Variants in CDH13 observed in about 807,000 individuals in gnomAD.
CDH13 encodes cadherin 13.
CDH13 carries 24 observed loss-of-function variants against 63.8 expected under a neutral mutation model. The observed-to-expected ratio is 0.38, with a 90% CI of 0.27 to 0.53. CDH13 has a LOEUF of 0.53. Ranked by LOEUF, CDH13 falls within the 20% of genes least tolerant of loss-of-function variation. The pLI, the probability that CDH13 is intolerant of heterozygous loss-of-function variation, is 0.85. For synonymous variants in CDH13, 503 were observed against 355.3 expected, an observed-to-expected ratio of 1.42 and a Z score of -4.67; for missense variants, 1,049 against 903.1, an observed-to-expected ratio of 1.16 and a Z score of -2.07.
chr16:83,516,454 A>G (rs2151612255), intron 7 of CDH13, among the ~76,000 whole-genome samples: 1 of 152,330 alleles, frequency 6.6e-6, no homozygotes, highest in South Asian at 2.1e-4. Flanking sequence ...CAAGGATCTG[A>G]TTTTATTTCA....
At chr16:83,714,937 G>C (rs74838751) in intron 10 of CDH13, among the ~76,000 whole-genome samples, 3 of 152,264 alleles carry the variant, frequency 2.0e-5, no homozygotes, top group African/African-American at 7.2e-5. Context: ...TCTTGAGTGT[G>C]TTGCCTCTGC....
chr16:83,653,112 A>T (rs2150823526), intron 8 of CDH13, among the ~76,000 whole-genome samples: 1 of 152,154 alleles, frequency 6.6e-6, no homozygotes, highest in Non-Finnish European at 1.5e-5. Flanking sequence ...ATCTCCGGGG[A>T]CAGAAAGCCA....
intron 1 of CDH13, among the ~76,000 whole-genome samples, chr16:82,722,791 C>T (rs2032861357): frequency 6.6e-6 from 1 of 152,112 alleles, no homozygotes; most frequent in Non-Finnish European, 1.5e-5. Context: ...TCACAGGGTA[C>T]CAGGGATGCA....
chr16:82,928,561 C>G (rs1187222316), intron 2 of CDH13, among the ~76,000 whole-genome samples: 1 of 152,152 alleles, frequency 6.6e-6, no homozygotes, highest in African/African-American at 2.4e-5. Flanking sequence ...GAATATTCTA[C>G]TGTTGTTTTC....
chr16:83,685,119 C>G (rs2150881648), intron 10 of CDH13, among the ~76,000 whole-genome samples: 1 of 152,240 alleles, frequency 6.6e-6, no homozygotes, highest in East Asian at 1.9e-4. Context: ...TTTAAGGAGA[C>G]TTTCTGGAAG....
chr16:83,085,820 T>C (rs760571714), intron 3 of CDH13, among the ~76,000 whole-genome samples: 3 of 152,192 alleles, frequency 2.0e-5, no homozygotes, highest in Non-Finnish European at 4.4e-5. Flanking sequence ...CTAAGACACA[T>C]TGAAGCTCTT....
intron 3 of CDH13, among the ~76,000 whole-genome samples, chr16:83,072,771 A>G (rs2032532488): frequency 6.6e-6 from 1 of 152,042 alleles, no homozygotes; most frequent in Non-Finnish European, 1.5e-5. Context: ...AACACCCCTC[A>G]CTAGTAGAAA....
intron 2 of CDH13, chr16:82,859,663 G>A (rs2039852460): frequency 6.6e-6 from 1 of 152,012 alleles, no homozygotes. Context: ...TATGGTCTCA[G>A]GTTTACGTTC....
At chr16:83,489,189 G>T (rs992157283) in intron 7 of CDH13, among the ~76,000 whole-genome samples, 3 of 152,190 alleles carry the variant, frequency 2.0e-5, no homozygotes, top group African/African-American at 7.2e-5. Context: ...AAGTGATAAT[G>T]TAGTAAATTA....
chr16:82,983,851 C>A (rs1382625746), intron 2 of CDH13, among the ~76,000 whole-genome samples: 1 of 152,176 alleles, frequency 6.6e-6, no homozygotes, highest in Non-Finnish European at 1.5e-5. Context: ...AATGGATTTG[C>A]TCATGGACCT....
intron 1 of CDH13, among the ~76,000 whole-genome samples, chr16:82,771,590 G>A (rs2035268397): frequency 6.6e-6 from 1 of 152,242 alleles, no homozygotes; most frequent in Admixed American, 6.5e-5. Context: ...GAGAGTTTCA[G>A]TAACTTTCCC....
At chr16:83,693,055 C>G (rs1429613729) in intron 10 of CDH13, among the ~76,000 whole-genome samples, 1 of 152,196 alleles carries the variant, frequency 6.6e-6, no homozygotes, top group Non-Finnish European at 1.5e-5. Flanking sequence ...TACACTCCAG[C>G]CTGGGTAACC....
At position 82,904,964 on chromosome 16, in the gene CDH13, A is replaced by T. The variant is rs2041594432; in HGVS notation, c.157+46491A>T. On this transcript the variant is annotated intron_variant, in intron 2 of 13. Coordinates refer to ENST00000567109, the MANE Select transcript of CDH13 (RefSeq NM_001257.5). The stretch of plus-strand genomic sequence containing the variant: ...AAATGAACCCAGGTTTCTCCCATGG[A>T]GTGCAGTTTCTCCCTAAATGAACCC... 2.0e-5 allele frequency among the ~76,000 whole-genome samples: 3 copies of T among 151,190 alleles called. No homozygotes were observed. In the South Asian group the frequency reaches 6.3e-4, roughly 32 times the overall value.
At chr16:83,208,902 C>G (rs1442605090) in intron 4 of CDH13, among the ~76,000 whole-genome samples, 2 of 152,142 alleles carry the variant, frequency 1.3e-5, no homozygotes, top group African/African-American at 2.4e-5. Context: ...GCAGTGTTCA[C>G]TTGGAGGGTC....
At chr16:82,811,663 G>A (rs1158222059) in intron 1 of CDH13, among the ~76,000 whole-genome samples, 3 of 152,164 alleles carry the variant, frequency 2.0e-5, no homozygotes, top group African/African-American at 7.2e-5. Flanking sequence ...CCAACTAGAA[G>A]GTGATAGCAG....
At chr16:82,667,865 T>C (rs1912786063) in intron 1 of CDH13, among the ~76,000 whole-genome samples, 1 of 152,170 alleles carries the variant, frequency 6.6e-6, no homozygotes. Flanking sequence ...TTCAATCTTC[T>C]CATGCTCCAG....
intron 3 of CDH13, among the ~76,000 whole-genome samples, chr16:83,063,421 T>C (rs2031747659): frequency 6.6e-6 from 1 of 152,172 alleles, no homozygotes; most frequent in Non-Finnish European, 1.5e-5. Flanking sequence ...GGGAAATAGA[T>C]TCAGCTCTTC....
chr16:83,534,577 G>A (rs933894092), intron 7 of CDH13, among the ~76,000 whole-genome samples: 5 of 152,208 alleles, frequency 3.3e-5, no homozygotes, highest in South Asian at 2.1e-4. Flanking sequence ...GGCCTTTTGC[G>A]ATTGGCCCCT....
chr16:82,700,953 CCG>C (rs1567641720), intron 1 of CDH13, among the ~76,000 whole-genome samples: 11 of 10,768 alleles, frequency 1.0e-3, no homozygotes, highest in African/African-American at 2.3e-3. Context: ...GTGCTGGAAC[CCG>C]CCCCCCCCCC....
Sources: gnomAD v4.1 joint callset for allele counts (sites outside exome capture counted in the v4.1 genomes callset) on GRCh38, gnomAD v4.1.1 for gene constraint, MANE v1.5 for transcripts, NCBI Gene and HGNC (gene_info 2026-07-23, HGNC 2026-07-21) for gene names.